The following DPP6 variants were observed in gnomAD, a reference collection of about 807,000 sequenced individuals.
The protein encoded by DPP6 is A-type potassium channel modulatory protein DPP6.
Under a neutral mutation model 122.6 loss-of-function variants are expected in DPP6, and 69 were observed. The observed-to-expected ratio is 0.56, with a 90% CI of 0.46 to 0.69. The LOEUF (loss-of-function observed/expected upper bound fraction) is 0.69, where lower values mean the gene tolerates loss of function less well. DPP6 is among the 30% of genes least tolerant of loss of function. The probability of loss-of-function intolerance (pLI) is 0.00; values close to 1 mark genes in which losing one functional copy is unlikely to be tolerated. For synonymous variants in DPP6, 418 were observed against 433.1 expected (o/e 0.97, Z 0.43); for missense variants, 928 against 1,116.9 (o/e 0.83, Z 2.41).
At chr7:154,702,273 T>A (rs1840572821) in intron 7 of DPP6, among the ~76,000 whole-genome samples, 1 of 152,222 alleles carries the variant, frequency 6.6e-6, no homozygotes, top group Non-Finnish European at 1.5e-5. Flanking sequence ...GCCAATAATA[T>A]CTTATAAAAT....
chr7:154,254,576 A>G (rs1366682247), intron 1 of DPP6, among the ~76,000 whole-genome samples: 2 of 152,036 alleles, frequency 1.3e-5, no homozygotes, highest in Non-Finnish European at 2.9e-5. Context: ...TCCTTGGGCT[A>G]TTTTGTGTAT....
chr7:154,233,273 A>G (rs1427691420), intron 1 of DPP6, among the ~76,000 whole-genome samples: 2 of 152,214 alleles, frequency 1.3e-5, no homozygotes, highest in Non-Finnish European at 2.9e-5. Context: ...GACTTCTGCA[A>G]GCTTTCGTGC....
At chr7:154,735,895 CT>C (rs1842548448) in intron 8 of DPP6, among the ~76,000 whole-genome samples, 1 of 152,248 alleles carries the variant, frequency 6.6e-6, no homozygotes, top group Admixed American at 6.5e-5. Flanking sequence ...CCAAGGCCCT[CT>C]TAGCCCCCTG....
chr7:154,388,622 C>A (rs1814330081), intron 1 of DPP6, among the ~76,000 whole-genome samples: 1 of 152,036 alleles, frequency 6.6e-6, no homozygotes, highest in Non-Finnish European at 1.5e-5. Context: ...AGAACCTGCC[C>A]TGATGCCCAG....
Position 153,995,588 on chromosome 7 carries a change from C to CAAAAA in DPP6, c.51+107870_51+107874dup, listed in dbSNP as rs55905154. Reference sequence around the variant, plus strand: ...CAGGTGAAAGAGTGAGACTCCGTCTCAAAAAAAAAAAAAAAAAAAAGAATG... The same window carrying CAAAAA: ...CAGGTGAAAGAGTGAGACTCCGTCTCAAAAAAAAAAAAAAAAAAAAAAAAAGAATG... On this transcript the variant is annotated intron_variant, in intron 1 of 25. Coordinates refer to the DPP6 transcript ENST00000404039. 9.6e-4 allele frequency among the ~76,000 whole-genome samples: 85 copies of CAAAAA among 88,166 alleles called. 1 individual carries two copies. The highest frequency in any genetic ancestry group is 1.7e-3 in the East Asian group (5 of 2,874). The allele number at this position is 88,166 out of a possible 152,430, so 57.8% of individuals were successfully genotyped here.
At chr7:153,855,428 G>A in the DPP6 span, among the ~76,000 whole-genome samples, 1,253 of 152,136 alleles carry the variant, frequency 8.2e-3, 17 homozygotes, top group African/African-American at 0.029. Flanking sequence ...CTTGAAAATT[G>A]GACATTTAAA....
At chr7:154,258,993 TTG>T (rs35285627) in intron 1 of DPP6, among the ~76,000 whole-genome samples, 44,157 of 151,972 alleles carry the variant, frequency 0.29, 7,014 homozygotes, top group Non-Finnish European at 0.36. Flanking sequence ...AAGGCTATAG[TTG>T]TGAGTGTTTG....
chr7:153,805,200 T>C, the DPP6 span, among the ~76,000 whole-genome samples: 1 of 152,240 alleles, frequency 6.6e-6, no homozygotes, highest in African/African-American at 2.4e-5. Context: ...TTGTTTCTTT[T>C]TCATTGGTAT....
intron 7 of DPP6, among the ~76,000 whole-genome samples, chr7:154,693,879 C>G (rs1840068660): frequency 6.6e-6 from 1 of 152,152 alleles, no homozygotes; most frequent in Non-Finnish European, 1.5e-5. Flanking sequence ...GGACTCACAG[C>G]ACCCCTTGTG....
chr7:154,667,708 C>G (rs557334358), intron 6 of DPP6, among the ~76,000 whole-genome samples: 1 of 152,262 alleles, frequency 6.6e-6, no homozygotes, highest in East Asian at 1.9e-4. Flanking sequence ...AGCGATAGAG[C>G]AAGACTCCTT....
rs945631894 is a variant in DPP6 at position 154,602,798 on chromosome 7, A to G, written c.628-35023A>G. Among the ~76,000 whole-genome samples, 3 of 110,410 alleles carry G rather than the reference A, an allele frequency of 2.7e-5. 1 individual carries two copies. Among genetic ancestry groups the G allele is most frequent in the Admixed American group, 2.1e-4 (2 of 9,462 alleles). 72.4% of individuals were successfully genotyped at this position (110,410 alleles called of 152,430 possible). The stretch of plus-strand genomic sequence containing the variant: ...GGTCTTACTCTGTCACCCAGCCTGG[A>G]GTGCAGTGGTGCGATCTCTATTCAC... On this transcript the variant is annotated intron_variant, in intron 5 of 25. Transcript: ENST00000377770.
At chr7:154,750,833 G>A (rs1843342842) in intron 8 of DPP6, among the ~76,000 whole-genome samples, 1 of 152,182 alleles carries the variant, frequency 6.6e-6, no homozygotes, top group African/African-American at 2.4e-5. Context: ...GGCCGAGGAT[G>A]GCCCAGGTTC....
intron 7 of DPP6, among the ~76,000 whole-genome samples, chr7:154,670,739 G>A (rs1838501745): frequency 6.6e-6 from 1 of 152,148 alleles, no homozygotes; most frequent in African/African-American, 2.4e-5. Context: ...AGCTCCCACA[G>A]AATTGTATCG....
chr7:154,794,232 A>G, intron 11 of DPP6, 30 bp downstream of exon 11: 1 of 1,577,778 alleles, frequency 6.3e-7, no homozygotes, highest in East Asian at 2.3e-5. Context: ...TGGAGGGGAG[A>G]CGGGTGAAGA....
the DPP6 span, among the ~76,000 whole-genome samples, chr7:153,761,215 C>T: frequency 3.1e-3 from 466 of 152,266 alleles, 1 homozygote; most frequent in African/African-American, 0.011. Flanking sequence ...GAGGATTCAT[C>T]CATTTCCTGT....
chr7:154,874,023 T>A (rs543363756), intron 19 of DPP6, among the ~76,000 whole-genome samples: 1 of 149,820 alleles, frequency 6.7e-6, no homozygotes, highest in South Asian at 2.1e-4. Context: ...TGCACACACA[T>A]ACGTGTGCAT....
In DPP6 at chr7:154,660,325, C is replaced by T. The variant is rs74789134; in HGVS notation, c.681-9035C>T. ...CATGGCGTATTGGCCGTAGTGTTCACGCAGTCATGGTGAATCACCATGGCG... is the reference window on the plus strand; with the variant it reads ...CATGGCGTATTGGCCGTAGTGTTCATGCAGTCATGGTGAATCACCATGGCG... On this transcript the variant is annotated intron_variant, in intron 6 of 25. Transcript: ENST00000377770. 2.9e-3 allele frequency among the ~76,000 whole-genome samples: 63 copies of T among 21,518 alleles called. 1 individual carries two copies. The highest frequency in any genetic ancestry group is 0.014 in the South Asian group (6 of 414). The allele number at this position is 21,518 out of a possible 152,430, so 14.1% of individuals were successfully genotyped here.
intron 5 of DPP6, among the ~76,000 whole-genome samples, chr7:154,571,847 A>G (rs2130571146): frequency 6.6e-6 from 1 of 152,326 alleles, no homozygotes; most frequent in Non-Finnish European, 1.5e-5. Flanking sequence ...ATTATCCCCA[A>G]ACATAGCAGC....
intron 1 of DPP6, among the ~76,000 whole-genome samples, chr7:154,406,741 C>G (rs1322665580): frequency 6.6e-6 from 1 of 152,122 alleles, no homozygotes; most frequent in East Asian, 1.9e-4. Context: ...CAGACTGAGT[C>G]AAAAACCCTG....
Sources: gnomAD v4.1 joint callset for allele counts (sites outside exome capture counted in the v4.1 genomes callset) on GRCh38, gnomAD v4.1.1 for gene constraint, MANE v1.5 for transcripts, NCBI Gene and HGNC (gene_info 2026-07-23, HGNC 2026-07-21) for gene names.